RNF38: variants seen among roughly 807,000 people sequenced by gnomAD.
RNF38 encodes the protein ring finger protein 38.
RNF38 carries 15 observed loss-of-function variants against 67.2 expected under a neutral mutation model. The ratio of observed to expected loss-of-function variants is 0.22; its 90% CI spans 0.15 to 0.34. The LOEUF (loss-of-function observed/expected upper bound fraction) is 0.34, where lower values mean the gene tolerates loss of function less well. Among genes scored for constraint, RNF38 ranks in the 10% least tolerant of loss-of-function variants. The probability of loss-of-function intolerance (pLI) is 1.00; values close to 1 mark genes in which losing one functional copy is unlikely to be tolerated. For missense variants in RNF38, 524 were observed against 639.9 expected, an observed-to-expected ratio of 0.82 and a Z score of 1.95; for synonymous variants, 220 against 218.8, an observed-to-expected ratio of 1.01 and a Z score of -0.05.
In RNF38 at chr9:36,356,358, G is replaced by A. The variant is rs759705840; in HGVS notation, c.854C>T (p.Pro285Leu). Residue 285 changes from proline to leucine, a missense_variant, in exon 6 of 12, where the codon CCT (proline) becomes CTT (leucine). This residue lies in a region of RNF38 where 461 missense variants were observed against 517.4 expected (regional missense o/e 0.89). Coordinates refer to ENST00000259605, the MANE Select transcript of RNF38 (RefSeq NM_022781.5). Reference sequence around the variant, plus strand: ...AAACTGGCCTGGTGGTGGCAAATGAGGAGGATGATGGGGAGAAAGGTGAGG... The same window carrying A: ...AAACTGGCCTGGTGGTGGCAAATGAAGAGGATGATGGGGAGAAAGGTGAGG... Reference protein sequence around the residue: ...HPPHLSPHHPPHLPPPGQFVP... With the variant: ...HPPHLSPHHPLHLPPPGQFVP... 2.5e-6 allele frequency: 4 copies of A among 1,614,044 alleles called. 1 individual carries two copies. In the South Asian group the frequency reaches 4.4e-5, roughly 18 times the overall value.
At chr9:36,421,562 C>G (rs149146840) in intron 2 of RNF38, among the ~76,000 whole-genome samples, 2,591 of 152,198 alleles carry the variant, frequency 0.017, 77 homozygotes, top group African/African-American at 0.059. Flanking sequence ...ACTCGGGAGG[C>G]TGAGGCAGGA....
intron 1 of RNF38, among the ~76,000 whole-genome samples, chr9:36,449,434 C>CT (rs1022600576): frequency 2.6e-5 from 4 of 151,282 alleles, no homozygotes; most frequent in Admixed American, 2.6e-4. Context: ...CTATCTCTCT[C>CT]TTTTTTTTCC....
At chr9:36,349,709 G>A (rs747812692) in intron 9 of RNF38, among the ~76,000 whole-genome samples, 25 of 152,170 alleles carry the variant, frequency 1.6e-4, no homozygotes, top group South Asian at 2.1e-4. Flanking sequence ...GGCCAATATC[G>A]AGGAGCTTTT....
intron 1 of RNF38, among the ~76,000 whole-genome samples, chr9:36,448,532 C>G (rs1839359886): frequency 6.6e-6 from 1 of 152,132 alleles, no homozygotes; most frequent in Admixed American, 6.6e-5. Flanking sequence ...CTATCAATAA[C>G]TGACTAGTTG....
At chr9:36,423,898 G>A (rs1428768500) in intron 2 of RNF38, among the ~76,000 whole-genome samples, 1 of 116,962 alleles carries the variant, frequency 8.5e-6, no homozygotes, top group Non-Finnish European at 1.8e-5. Context: ...GCAGTGAGCC[G>A]AGATTGCGCC....
intron 1 of RNF38, among the ~76,000 whole-genome samples, chr9:36,464,117 T>G (rs1005482335): frequency 6.6e-6 from 1 of 151,442 alleles, no homozygotes; most frequent in African/African-American, 2.4e-5. Flanking sequence ...TGAGCCTAGA[T>G]CACGACACTG....
upstream of RNF38, among the ~76,000 whole-genome samples, chr9:36,402,847 CTTCTT>C (rs1037819560): frequency 1.0e-3 from 159 of 152,224 alleles, no homozygotes; most frequent in African/African-American, 3.7e-3. Context: ...TAAATTTCTT[CTTCTT>C]TTTTTATTTT....
At chr9:36,387,231 C>T (rs1011034803) in intron 2 of RNF38, among the ~76,000 whole-genome samples, 17 of 152,202 alleles carry the variant, frequency 1.1e-4, no homozygotes, top group Admixed American at 1.1e-3. Flanking sequence ...AATAAACTTG[C>T]TTTCACTTTA....
At chr9:36,351,674 C>T (rs1035392360) in intron 8 of RNF38, among the ~76,000 whole-genome samples, 1 of 152,130 alleles carries the variant, frequency 6.6e-6, no homozygotes, top group Non-Finnish European at 1.5e-5. Context: ...AAAACTATGA[C>T]CACAGTGTGG....
chr9:36,434,127 T>A (rs1839001151), intron 1 of RNF38, among the ~76,000 whole-genome samples: 1 of 150,396 alleles, frequency 6.6e-6, no homozygotes, highest in South Asian at 2.1e-4. Flanking sequence ...TCCCAGCTAC[T>A]TGGGAGACTG....
intron 1 of RNF38, among the ~76,000 whole-genome samples, chr9:36,486,082 C>T (rs1203069036): frequency 1.3e-5 from 2 of 152,096 alleles, no homozygotes; most frequent in Non-Finnish European, 2.9e-5. Flanking sequence ...TAGACACCGT[C>T]CCCCGCCCTT....
chr9:36,440,527 A>G (rs968495483), intron 1 of RNF38, among the ~76,000 whole-genome samples: 14 of 151,912 alleles, frequency 9.2e-5, no homozygotes, highest in Admixed American at 9.2e-4. Context: ...GCGAAACTCC[A>G]TCTCAAAAAA....
chr9:36,340,625 G>A (rs1832766204), intron 11 of RNF38, among the ~76,000 whole-genome samples: 1 of 152,182 alleles, frequency 6.6e-6, no homozygotes, highest in Non-Finnish European at 1.5e-5. Flanking sequence ...TCCTGCCTTT[G>A]CCTCCCAAAA....
chr9:36,412,835 G>A lies in RNF38; in HGVS notation n.312+11778C>T, dbSNP rs374196847. 2.1e-4 allele frequency among the ~76,000 whole-genome samples: 32 copies of A among 152,222 alleles called. No individual in the cohort carries two copies. The East Asian group carries it at 4.1e-3, about 19-fold the overall frequency. ...CACCTGTAATCTCAGCACTTTGGGAGGCCAAGGCGGGTGGATCACCTGAGG... is the reference window on the plus strand; with the variant it reads ...CACCTGTAATCTCAGCACTTTGGGAAGCCAAGGCGGGTGGATCACCTGAGG... On this transcript the variant is annotated intron_variant and non_coding_transcript_variant, in intron 2 of 3. Coordinates refer to the RNF38 transcript ENST00000488058.
At chr9:36,357,099 T>C (rs1834184387) in intron 5 of RNF38, among the ~76,000 whole-genome samples, 1 of 152,200 alleles carries the variant, frequency 6.6e-6, no homozygotes, top group African/African-American at 2.4e-5. Flanking sequence ...AAGACATTGT[T>C]GACCTTAGAT....
chr9:36,487,624 C>T (rs1258448375), upstream of RNF38: 6 of 968,046 alleles, frequency 6.2e-6, no homozygotes, highest in Non-Finnish European at 7.4e-6. Context: ...GCTGGCTGGG[C>T]CCCGGCCGGC....
intron 2 of RNF38, among the ~76,000 whole-genome samples, chr9:36,410,907 T>A (rs570955691): frequency 6.6e-6 from 1 of 152,110 alleles, no homozygotes; most frequent in African/African-American, 2.4e-5. Flanking sequence ...GTTTAATGGG[T>A]AGAATTTCAG....
intron 3 of RNF38, among the ~76,000 whole-genome samples, chr9:36,370,169 C>A (rs1288209723): frequency 2.0e-5 from 3 of 152,128 alleles, no homozygotes; most frequent in African/African-American, 7.2e-5. Flanking sequence ...TAGAAATCAA[C>A]AGCTACAATT....
chr9:36,440,936 A>C lies in RNF38; in HGVS notation n.242-16253T>G, dbSNP rs149345816. On this transcript the variant is annotated intron_variant and non_coding_transcript_variant, in intron 1 of 3. Transcript: ENST00000488058. ...CTATGCAACACTTTTATTCCCCCCA[A>C]ATGCCTCATGGTCTGACAGTCTTGA... Among the ~76,000 whole-genome samples the C allele has an allele frequency of 1.1e-4, 16 of 152,180 alleles. No individual in the cohort carries two copies. The East Asian group carries it at 3.1e-3, about 29-fold the overall frequency.
Sources: allele counts gnomAD v4.1 joint callset (sites outside exome capture counted in the v4.1 genomes callset), GRCh38; gene constraint gnomAD v4.1.1; regional missense constraint gnomAD v4.1.1; transcripts MANE v1.5; gene names NCBI Gene and HGNC (gene_info 2026-07-23, HGNC 2026-07-21).